UBAP1: variants seen among roughly 807,000 people sequenced by gnomAD.
UBAP1 encodes the protein ubiquitin-associated protein 1.
Under a neutral mutation model 39.0 loss-of-function variants are expected in UBAP1, and 5 were observed. That is an observed-to-expected ratio of 0.13 (90% CI 0.07 to 0.27). The LOEUF (loss-of-function observed/expected upper bound fraction) is 0.27, where lower values mean the gene tolerates loss of function less well. Among genes scored for constraint, UBAP1 ranks in the 10% least tolerant of loss-of-function variants. The pLI, the probability that UBAP1 is intolerant of heterozygous loss-of-function variation, is 1.00. For missense variants in UBAP1, 490 were observed against 608.1 expected, an observed-to-expected ratio of 0.81 and a Z score of 2.04; for synonymous variants, 211 against 225.1, an observed-to-expected ratio of 0.94 and a Z score of 0.56.
intron 2 of UBAP1, among the ~76,000 whole-genome samples, chr9:34,226,133 G>GTGTGTTTGTGTGTGTGTGTGTGTGTGTT (rs1554650853): frequency 7.0e-6 from 1 of 143,254 alleles, no homozygotes; most frequent in African/African-American, 2.7e-5. Flanking sequence ...GTGTGTGTGT[G>GTGTGTTTGTGTGTGTGTGTGTGTGTGTT]TGTGTGTGTG....
intron 3 of UBAP1, among the ~76,000 whole-genome samples, chr9:34,239,706 C>T (rs965421799): frequency 6.6e-6 from 1 of 152,096 alleles, no homozygotes; most frequent in Non-Finnish European, 1.5e-5. Context: ...CTGCAAGCCT[C>T]AATTTCTTCA....
intron 2 of UBAP1, among the ~76,000 whole-genome samples, chr9:34,221,576 G>T (rs181689467): frequency 3.1e-4 from 46 of 150,296 alleles, no homozygotes; most frequent in Middle Eastern, 3.5e-3. Flanking sequence ...CCTGTTCCTT[G>T]GTCATAGCTC....
intron 1 of UBAP1, among the ~76,000 whole-genome samples, chr9:34,195,482 T>G (rs1830978316): frequency 6.6e-6 from 1 of 152,224 alleles, no homozygotes; most frequent in Non-Finnish European, 1.5e-5. Flanking sequence ...TTGATCTGTT[T>G]GTCTATCTTT....
At chr9:34,227,352 G>C (rs892235901) in intron 2 of UBAP1, among the ~76,000 whole-genome samples, 4 of 151,846 alleles carry the variant, frequency 2.6e-5, no homozygotes, top group Non-Finnish European at 5.9e-5. Context: ...GGCGCTGATG[G>C]CTTTAAGATG....
chr9:34,227,538 C>T (rs1332887685), intron 2 of UBAP1, among the ~76,000 whole-genome samples: 1 of 152,064 alleles, frequency 6.6e-6, no homozygotes, highest in African/African-American at 2.4e-5. Context: ...TTAGAAAAAA[C>T]GGGCAGATTG....
intron 2 of UBAP1, among the ~76,000 whole-genome samples, chr9:34,226,630 G>T (rs190074205): frequency 6.6e-6 from 1 of 152,312 alleles, no homozygotes; most frequent in East Asian, 1.9e-4. Flanking sequence ...GATTGCTTAA[G>T]CCTGGGAGTT....
intron 3 of UBAP1, among the ~76,000 whole-genome samples, chr9:34,238,353 A>T (rs1833804647): frequency 2.0e-5 from 3 of 152,120 alleles, no homozygotes; most frequent in African/African-American, 7.2e-5. Context: ...GTGTGGACAC[A>T]TGTTTTCAGT....
chr9:34,241,983 G>A lies in UBAP1; in HGVS notation c.958G>A (p.Gly320Arg). ...TGAGCTCAATGGGCATCACACTCTT[G>A]GGCTTTCAGCTTTGAACTTGGACAG... ...ASELNGHHTLGLSALNLDSGT... is the reference protein window; with the variant it reads ...ASELNGHHTLRLSALNLDSGT... Residue 320 changes from glycine (G) to arginine (R), a missense_variant, in exon 4 of 7, where the codon GGG (glycine) becomes AGG (arginine). Physicochemically the swap from Gly to Arg is moderately radical, Grantham distance 125. Coordinates refer to ENST00000297661, the MANE Select transcript of UBAP1 (RefSeq NM_016525.5). The A allele has an allele frequency of 6.2e-7, 1 of 1,614,034 alleles. No homozygotes were observed. The highest frequency in any genetic ancestry group is 8.5e-7 in the Non-Finnish European group (1 of 1,180,012).
chr9:34,214,305 A>G (rs1265561321), intron 1 of UBAP1, among the ~76,000 whole-genome samples: 1 of 152,352 alleles, frequency 6.6e-6, no homozygotes, highest in South Asian at 2.1e-4. Context: ...ACAGCACGGT[A>G]CTGGTATAAA....
chr9:34,218,141 A>G (rs1422290651), intron 1 of UBAP1, among the ~76,000 whole-genome samples: 2 of 149,322 alleles, frequency 1.3e-5, no homozygotes, highest in African/African-American at 2.5e-5. Context: ...AGTCCCAGCT[A>G]CTCCGGAGGC....
chr9:34,251,508 C>T lies in UBAP1; in HGVS notation c.1485C>T (p.Leu495=), dbSNP rs371234489. The T allele has an allele frequency of 1.3e-4, 205 of 1,614,168 alleles. No individual in the cohort carries two copies. The Middle Eastern group carries it at 1.8e-3, about 14-fold the overall frequency. ...NNDQDNALED[L]MARAGAS ...ACCAGGACAATGCTTTGGAAGACCT[C>T]ATGGCTCGGGCAGGAGCCAGCTGAG... The change falls in exon 7 of 7, where the codon CTC becomes CTT. Residue 495 remains leucine (L), a synonymous_variant. Coordinates refer to ENST00000297661, the MANE Select transcript of UBAP1 (RefSeq NM_016525.5).
At chr9:34,247,073 A>G (rs1420492792) in intron 4 of UBAP1, among the ~76,000 whole-genome samples, 1 of 152,204 alleles carries the variant, frequency 6.6e-6, no homozygotes, top group Non-Finnish European at 1.5e-5. Context: ...TTAAAAAGTC[A>G]TATCTAGATT....
Position 34,182,164 on chromosome 9 carries a change from A to G in UBAP1, c.-8+2924A>G, listed in dbSNP as rs115962058. Among the ~76,000 whole-genome samples, 33 of 52,566 alleles carry G rather than the reference A, an allele frequency of 6.3e-4. 2 individuals carry two copies. Among genetic ancestry groups the G allele is most frequent in the East Asian group, 3.0e-3 (11 of 3,684 alleles). The allele number at this position is 52,566 out of a possible 152,430, so 34.5% of individuals were successfully genotyped here. A position where few individuals can be genotyped will look rare whatever the true frequency, so the allele number is the denominator to read the frequency against. On this transcript the variant is annotated intron_variant, in intron 1 of 6. Coordinates refer to ENST00000297661, the MANE Select transcript of UBAP1 (RefSeq NM_016525.5). Reference sequence around the variant, plus strand: ...TGGTATTTAAGGATCCCTGACGTTTATTTATTTATTTATTTATTTATTTAT... The same window carrying G: ...TGGTATTTAAGGATCCCTGACGTTTGTTTATTTATTTATTTATTTATTTAT...
intron 3 of UBAP1, among the ~76,000 whole-genome samples, chr9:34,236,031 TG>T (rs890884722): frequency 6.6e-6 from 1 of 152,038 alleles, no homozygotes; most frequent in Non-Finnish European, 1.5e-5. Context: ...CGGCTAATTT[TG>T]TATTTTTAGT....
At position 34,251,716 on chromosome 9, in the gene UBAP1, C is replaced by T. The variant is rs79550209; in HGVS notation, c.*184C>T. The T allele has an allele frequency of 7.0e-3, 4,626 of 660,086 alleles. 27 individuals are homozygous for T. The highest frequency in any genetic ancestry group is 9.2e-3 in the Non-Finnish European group (3,651 of 396,348). 40.9% of individuals were successfully genotyped at this position (660,086 alleles called of 1,614,324 possible). ...CTGAGCTGGGGAGGTGGGGAAGATT[C>T]GGGCATGTGAGTGCCCCCAGAACTG... On this transcript the variant is annotated 3_prime_UTR_variant, in exon 7 of 7. Coordinates refer to ENST00000297661, the MANE Select transcript of UBAP1 (RefSeq NM_016525.5).
At chr9:34,195,849 G>T (rs1359820475) in intron 1 of UBAP1, among the ~76,000 whole-genome samples, 1 of 149,234 alleles carries the variant, frequency 6.7e-6, no homozygotes, top group East Asian at 2.0e-4. Context: ...CACCTGCCTC[G>T]GCTTCCCAAA....
intron 2 of UBAP1, among the ~76,000 whole-genome samples, chr9:34,225,144 G>A (rs962028284): frequency 2.6e-5 from 4 of 152,176 alleles, no homozygotes; most frequent in Non-Finnish European, 5.9e-5. Flanking sequence ...TAATGGATGT[G>A]GGTAACTTTT....
In UBAP1 at chr9:34,182,651, C is replaced by CTT. The variant is rs1162910742; in HGVS notation, c.-8+3413_-8+3414dup. ...TCTTTCTTTCTTTCTTTCTTTCTTTCTTTCTTTCTTTCTTTCTTTCTTTCT... is the reference window on the plus strand; with the variant it reads ...TCTTTCTTTCTTTCTTTCTTTCTTTCTTTTTCTTTCTTTCTTTCTTTCTTTCT... On this transcript the variant is annotated intron_variant, in intron 1 of 6. Transcript: ENST00000297661. 1.7e-4 allele frequency among the ~76,000 whole-genome samples: 10 copies of CTT among 59,672 alleles called. 1 individual carries two copies. The highest frequency in any genetic ancestry group is 8.7e-4 in the East Asian group (1 of 1,156). 39.1% of individuals were successfully genotyped at this position (59,672 alleles called of 152,430 possible).
intron 1 of UBAP1, 82 bp from the exon 2 acceptor site, chr9:34,220,826 T>C: frequency 8.1e-7 from 1 of 1,236,574 alleles, no homozygotes; most frequent in Non-Finnish European, 1.2e-6. Flanking sequence ...TTAGGTCTTC[T>C]GGTTTCTTTT....
Sources: gnomAD v4.1 joint callset for allele counts (sites outside exome capture counted in the v4.1 genomes callset) on GRCh38, gnomAD v4.1.1 for gene constraint, MANE v1.5 for transcripts, NCBI Gene and HGNC (gene_info 2026-07-23, HGNC 2026-07-21) for gene names.